Variants in UGGT2 observed in about 807,000 individuals in gnomAD.
UGGT2 encodes the protein UDP-glucose:glycoprotein glucosyltransferase 2.
UGGT2 carries 180 observed loss-of-function variants against 192.1 expected under a neutral mutation model. That is an observed-to-expected ratio of 0.94 (90% confidence interval 0.83 to 1.06). UGGT2 has a LOEUF of 1.06. Among genes scored for constraint, UGGT2 ranks in the 50% least tolerant of loss-of-function variants. The pLI is 0.00. For synonymous variants in UGGT2, 580 were observed against 591.0 expected (o/e 0.98, Z 0.27); for missense variants, 1,849 against 1,795.7 (o/e 1.03, Z -0.54).
chr13:95,989,829 G>A (rs1237448529), intron 8 of UGGT2, 144 bp downstream of exon 8: 3 of 481,130 alleles, frequency 6.2e-6, no homozygotes, highest in Non-Finnish European at 1.1e-5. Context: ...AATAGGTATT[G>A]CCACAAAAAA....
intron 1 of UGGT2, among the ~76,000 whole-genome samples, chr13:96,047,093 T>A (rs1422287017): frequency 1.3e-5 from 2 of 152,166 alleles, no homozygotes; most frequent in Non-Finnish European, 2.9e-5. Flanking sequence ...CACTTATATG[T>A]CCCTGTCTGA....
chr13:96,012,674 A>G (rs995575297), intron 5 of UGGT2, among the ~76,000 whole-genome samples: 23 of 152,000 alleles, frequency 1.5e-4, no homozygotes, highest in African/African-American at 5.5e-4. Flanking sequence ...AAATTAAAGC[A>G]CTCCATGTTG....
chr13:96,047,695 G>C (rs370405476), intron 1 of UGGT2, among the ~76,000 whole-genome samples: 1 of 152,240 alleles, frequency 6.6e-6, no homozygotes, highest in South Asian at 2.1e-4. Context: ...CCTAGTCTCT[G>C]ATAAAACAGA....
At chr13:95,952,834 C>T (rs1007776665) in intron 12 of UGGT2, among the ~76,000 whole-genome samples, 1 of 152,048 alleles carries the variant, frequency 6.6e-6, no homozygotes, top group African/African-American at 2.4e-5. Context: ...ACTAAATTCT[C>T]CATACTCATG....
chr13:95,998,101 T>TA (rs891120435), intron 6 of UGGT2, among the ~76,000 whole-genome samples: 5 of 152,144 alleles, frequency 3.3e-5, no homozygotes, highest in African/African-American at 1.2e-4. Flanking sequence ...GATGGCTAGT[T>TA]AAAGGTCTGA....
intron 38 of UGGT2, among the ~76,000 whole-genome samples, chr13:95,811,395 T>C (rs905459601): frequency 6.6e-6 from 1 of 152,194 alleles, no homozygotes; most frequent in Non-Finnish European, 1.5e-5. Flanking sequence ...GTGAAATCTC[T>C]AGGCAAATCT....
At chr13:95,836,046 T>TG (rs1887246330) in intron 37 of UGGT2, among the ~76,000 whole-genome samples, 2 of 151,268 alleles carry the variant, frequency 1.3e-5, no homozygotes, top group Non-Finnish European at 3.0e-5. Context: ...CAGCCCTTTT[T>TG]TTTTGTTTGT....
intron 4 of UGGT2, among the ~76,000 whole-genome samples, chr13:96,019,129 G>A (rs543302684): frequency 8.2e-5 from 11 of 133,436 alleles, no homozygotes; most frequent in Non-Finnish European, 1.1e-4. Context: ...TAGCGGGGGG[G>A]GGGGGGGGGA....
At chr13:96,030,551 G>C (rs867894388) in intron 2 of UGGT2, among the ~76,000 whole-genome samples, 34 of 152,294 alleles carry the variant, frequency 2.2e-4, no homozygotes, top group South Asian at 1.2e-3. Context: ...CAAAATCACT[G>C]AACTTCAAGG....
chr13:95,912,151 G>A (rs2048520213), intron 20 of UGGT2, among the ~76,000 whole-genome samples: 1 of 152,140 alleles, frequency 6.6e-6, no homozygotes, highest in Non-Finnish European at 1.5e-5. Flanking sequence ...GCAAAAACTG[G>A]AAGCATTCCC....
intron 30 of UGGT2, among the ~76,000 whole-genome samples, chr13:95,864,295 A>T (rs1890436363): frequency 6.6e-6 from 1 of 152,154 alleles, no homozygotes; most frequent in Admixed American, 6.5e-5. Flanking sequence ...GCATTTGTAA[A>T]TATTGATAAC....
At chr13:96,026,830 C>A (rs2052684349) in intron 2 of UGGT2, among the ~76,000 whole-genome samples, 1 of 151,926 alleles carries the variant, frequency 6.6e-6, no homozygotes, top group Admixed American at 6.5e-5. Flanking sequence ...CTCCACCGCG[C>A]CCGGCTAATT....
At chr13:96,019,008 C>T (rs1019076596) in intron 4 of UGGT2, among the ~76,000 whole-genome samples, 7 of 147,848 alleles carry the variant, frequency 4.7e-5, no homozygotes, top group South Asian at 2.1e-4. Context: ...AAATTATATG[C>T]TTAAATAAGA....
chr13:95,913,478 A>T (rs1274319723), intron 20 of UGGT2, among the ~76,000 whole-genome samples: 2 of 152,260 alleles, frequency 1.3e-5, no homozygotes, highest in Non-Finnish European at 2.9e-5. Context: ...ACCAACAGAC[A>T]CATGGAAAAA....
chr13:95,941,167 G>A (rs918302514), intron 15 of UGGT2, among the ~76,000 whole-genome samples: 1 of 152,150 alleles, frequency 6.6e-6, no homozygotes, highest in African/African-American at 2.4e-5. Context: ...CTTATAAGCA[G>A]AAGGAACAAG....
At chr13:95,900,981 T>A in intron 21 of UGGT2, 43 bp from the exon 22 acceptor site, 1 of 1,316,602 alleles carries the variant, frequency 7.6e-7, no homozygotes, top group Non-Finnish European at 9.8e-7. Context: ...ATGAGAACAG[T>A]AAATATATTA....
intron 22 of UGGT2, among the ~76,000 whole-genome samples, chr13:95,897,835 ATATC>A (rs2047990809): frequency 6.6e-6 from 1 of 152,160 alleles, no homozygotes; most frequent in African/African-American, 2.4e-5. Context: ...ATTTGACTTA[ATATC>A]TATCTCCAGC....
chr13:96,016,076 A>G (rs1415211724), intron 4 of UGGT2, among the ~76,000 whole-genome samples: 3 of 152,204 alleles, frequency 2.0e-5, no homozygotes, highest in Non-Finnish European at 4.4e-5. Flanking sequence ...TGGTGGAAGA[A>G]ATTTCGAAGC....
intron 38 of UGGT2, among the ~76,000 whole-genome samples, chr13:95,821,545 T>C (rs1365182520): frequency 1.3e-5 from 2 of 152,212 alleles, no homozygotes; most frequent in Admixed American, 6.5e-5. Flanking sequence ...TTTAGTCTGA[T>C]GATTATTTCT....
Sources: allele counts gnomAD v4.1 joint callset (sites outside exome capture counted in the v4.1 genomes callset), GRCh38; gene constraint gnomAD v4.1.1; transcripts MANE v1.5; gene names NCBI Gene and HGNC (gene_info 2026-07-23, HGNC 2026-07-21).